The following CNTNAP3 variants were observed in gnomAD, a reference collection of about 807,000 sequenced individuals.
CNTNAP3 encodes the protein contactin-associated protein-like 3.
Under a neutral mutation model 92.1 loss-of-function variants are expected in CNTNAP3, and 36 were observed. The ratio of observed to expected loss-of-function variants is 0.39; its 90% confidence interval spans 0.30 to 0.52. The LOEUF (loss-of-function observed/expected upper bound fraction) is 0.52, where lower values mean the gene tolerates loss of function less well. Among genes scored for constraint, CNTNAP3 ranks in the 20% least tolerant of loss-of-function variants. CNTNAP3 has a pLI of 0.76. For synonymous variants in CNTNAP3, 232 were observed against 422.3 expected, an observed-to-expected ratio of 0.55 and a Z score of 5.53; for missense variants, 534 against 1,069.6, an observed-to-expected ratio of 0.50 and a Z score of 6.98.
chr9:39,113,567 C>A (rs2117933852), intron 14 of CNTNAP3, among the ~76,000 whole-genome samples: 1 of 151,886 alleles, frequency 6.6e-6, no homozygotes, highest in Non-Finnish European at 1.5e-5. Flanking sequence ...TCTACAATAT[C>A]TGCCAGGTTT....
At chr9:39,149,165 T>C (rs1317625064) in intron 10 of CNTNAP3, among the ~76,000 whole-genome samples, 1 of 152,194 alleles carries the variant, frequency 6.6e-6, no homozygotes, top group East Asian at 1.9e-4. Flanking sequence ...AATAGTAACC[T>C]GGCAAATTCC....
At chr9:39,123,415 G>A (rs1458256002) in intron 13 of CNTNAP3, among the ~76,000 whole-genome samples, 6 of 151,922 alleles carry the variant, frequency 3.9e-5, no homozygotes, top group African/African-American at 9.7e-5. Context: ...AATTTCAAAC[G>A]GTGTAACCTA....
intron 4 of CNTNAP3, among the ~76,000 whole-genome samples, chr9:39,179,386 T>A (rs1758537): frequency 1.0e-4 from 9 of 87,082 alleles, no homozygotes; most frequent in Admixed American, 2.3e-4. Context: ...GAGAGCCCTG[T>A]CTGACAAAGG....
chr9:39,120,665 A>G (rs555115605), intron 13 of CNTNAP3, among the ~76,000 whole-genome samples: 7 of 152,292 alleles, frequency 4.6e-5, no homozygotes, highest in African/African-American at 1.4e-4. Context: ...GTGAGATTCC[A>G]TCTCCAAAAC....
intron 21 of CNTNAP3, chr9:39,085,466 A>G (rs62569964): frequency 0.27 from 110,899 of 408,490 alleles, 20,188 homozygotes; most frequent in African/African-American, 0.53. Context: ...TTCAAGAAGG[A>G]TTAGAAAAAT....
At chr9:39,100,982 G>C (rs1826443567) in intron 17 of CNTNAP3, among the ~76,000 whole-genome samples, 1 of 150,828 alleles carries the variant, frequency 6.6e-6, no homozygotes. Context: ...TCAGCTTTGT[G>C]GGTGATTCTG....
Position 39,285,869 on chromosome 9 carries a change from T to C in CNTNAP3, c.85+2111A>G, listed in dbSNP as rs2988636. ...GCCATTTCATGCCATCATCAACAGG[T>C]TGCCTTCGTGGGTGGCCAATGTGCT... On this transcript the variant is annotated intron_variant, in intron 1 of 23. Coordinates refer to ENST00000297668, the MANE Select transcript of CNTNAP3 (RefSeq NM_033655.5). Among the ~76,000 whole-genome samples the C allele has an allele frequency of 4.0e-4, 23 of 57,702 alleles. 2 individuals are homozygous for C. The highest frequency in any genetic ancestry group is 1.1e-3 in the Admixed American group (6 of 5,432). 37.9% of individuals were successfully genotyped at this position (57,702 alleles called of 152,430 possible).
intron 21 of CNTNAP3, among the ~76,000 whole-genome samples, chr9:39,083,567 G>A (rs1825996354): frequency 6.6e-6 from 1 of 151,772 alleles, no homozygotes. Context: ...GCTGAGGCAG[G>A]AGAATCGTGT....
At position 39,149,943 on chromosome 9, in the gene CNTNAP3, T is replaced by G; in HGVS notation, c.1512A>C (p.Lys504Asn). 1 of 1,611,746 alleles carries G rather than the reference T, an allele frequency of 6.2e-7. No homozygotes were observed. The highest frequency in any genetic ancestry group is 1.7e-5 in the Admixed American group (1 of 59,960). The change falls in exon 10 of 24, where the codon AAA becomes AAC. Residue 504 changes from lysine to asparagine, a missense_variant. Physicochemically the swap from Lys to Asn is moderately conservative, Grantham distance 94. Coordinates refer to ENST00000297668, the MANE Select transcript of CNTNAP3 (RefSeq NM_033655.5). ...CLDNSSGSGC[K>N]SPLGGFQGCL... ...AGCCCTGAAACCCTCCCAGGGGGCT[T>G]TTACATCCAGAGCCAGAGCTGTTGT...
At position 39,067,096 on chromosome 9, in the gene CNTNAP3, A is replaced by C. The variant is rs1375464395; in HGVS notation, c.*6794T>G. Among the ~76,000 whole-genome samples, 1 of 152,256 alleles carries C rather than the reference A, an allele frequency of 6.6e-6. No individual in the cohort carries two copies. Among genetic ancestry groups the C allele is most frequent in the Non-Finnish European group, 1.5e-5 (1 of 68,050 alleles). ...ATGCTTTCTACTGCTATATATATTC[A>C]AGTTTATTAATATTTTCTTCTGAAA... On this transcript the variant is annotated 3_prime_UTR_variant, in exon 24 of 24. Coordinates refer to ENST00000297668, the MANE Select transcript of CNTNAP3 (RefSeq NM_033655.5).
At chr9:39,125,364 G>A (rs1050962599) in intron 13 of CNTNAP3, among the ~76,000 whole-genome samples, 1 of 152,020 alleles carries the variant, frequency 6.6e-6, no homozygotes, top group Non-Finnish European at 1.5e-5. Flanking sequence ...GTCATGGGGT[G>A]GGGGGAGAGG....
intron 10 of CNTNAP3, among the ~76,000 whole-genome samples, chr9:39,147,688 A>G (rs1563892360): frequency 6.6e-6 from 1 of 152,324 alleles, no homozygotes; most frequent in Admixed American, 6.5e-5. Flanking sequence ...TTGGGGTACA[A>G]TTTGGAGGCC....
At chr9:39,107,860 G>A (rs568909960) in intron 15 of CNTNAP3, among the ~76,000 whole-genome samples, 35 of 152,080 alleles carry the variant, frequency 2.3e-4, no homozygotes, top group African/African-American at 4.1e-4. Flanking sequence ...AGAATATTTC[G>A]GTCAAAATAA....
At chr9:39,248,565 C>T (rs1488645027) in intron 2 of CNTNAP3, among the ~76,000 whole-genome samples, 4 of 33,512 alleles carry the variant, frequency 1.2e-4, no homozygotes, top group Non-Finnish European at 2.5e-4. Context: ...ACATTTTTTA[C>T]ATTTTTGCAT....
chr9:39,159,657 TAGATAGATAGATAG>T (rs1822041733), intron 9 of CNTNAP3: 2 of 141,866 alleles, frequency 1.4e-5, no homozygotes, highest in Non-Finnish European at 3.0e-5. Context: ...GATAGATAGA[TAGATAGATAGATAG>T]ATATATGTAA....
At chr9:39,121,152 C>A (rs1323762069) in intron 13 of CNTNAP3, among the ~76,000 whole-genome samples, 1 of 150,120 alleles carries the variant, frequency 6.7e-6, no homozygotes, top group South Asian at 2.1e-4. Flanking sequence ...AATAACACAA[C>A]GAGAAATTTA....
At chr9:39,133,249 G>A in intron 12 of CNTNAP3, 114 bp from the exon 13 acceptor site, 2 of 1,324,370 alleles carry the variant, frequency 1.5e-6, no homozygotes, top group East Asian at 2.5e-5. Context: ...TTACATTACT[G>A]CATGTTTGCC....
intron 21 of CNTNAP3, chr9:39,085,356 C>T: frequency 4.5e-6 from 1 of 220,894 alleles, no homozygotes; most frequent in Admixed American, 5.2e-5. Flanking sequence ...GTGTTCAACT[C>T]AAACGTAGTT....
intron 14 of CNTNAP3, among the ~76,000 whole-genome samples, chr9:39,109,918 T>C (rs1826701682): frequency 6.6e-6 from 1 of 152,222 alleles, no homozygotes; most frequent in Non-Finnish European, 1.5e-5. Flanking sequence ...TTTTGCAGAA[T>C]ATTAATTTAT....
Sources: gnomAD v4.1 joint callset for allele counts (sites outside exome capture counted in the v4.1 genomes callset) on GRCh38, gnomAD v4.1.1 for gene constraint, MANE v1.5 for transcripts, NCBI Gene and HGNC (gene_info 2026-07-23, HGNC 2026-07-21) for gene names.